The following PCDH19 variants were observed in gnomAD, a reference collection of about 807,000 sequenced individuals.
PCDH19 encodes protocadherin-19.
In PCDH19, 6 loss-of-function variants were observed where a neutral mutation model predicts 46.2. The observed-to-expected ratio is 0.13, with a 90% CI of 0.07 to 0.26. The LOEUF (loss-of-function observed/expected upper bound fraction) is 0.26, where lower values mean the gene tolerates loss of function less well. Ranked by LOEUF, PCDH19 falls within the 10% of genes least tolerant of loss-of-function variation. The pLI is 1.00. For missense variants in PCDH19, 740 were observed against 972.3 expected, an observed-to-expected ratio of 0.76 and a Z score of 3.18; for synonymous variants, 481 against 415.7, an observed-to-expected ratio of 1.16 and a Z score of -1.91.
chrX:100,355,341 C>G (rs746383812), intron 3 of PCDH19, among the ~76,000 whole-genome samples: 11 of 111,198 alleles, frequency 9.9e-5, no homozygotes, highest in Non-Finnish European at 1.9e-4. Flanking sequence ...AAATTATTAC[C>G]CCATGCAGAT....
chrX:100,320,359 C>T (rs1028386727), intron 5 of PCDH19, among the ~76,000 whole-genome samples: 1 of 112,219 alleles, frequency 8.9e-6, no homozygotes, highest in Non-Finnish European at 1.9e-5. Flanking sequence ...CTTGAGATCA[C>T]ACAGAGTTAG....
rs760286079 is a variant in PCDH19, at chrX:100,408,142, G to A, written c.456C>T (p.Ser152=). 2.5e-6 allele frequency: 3 copies of A among 1,211,770 alleles called. No homozygotes were observed. In the East Asian group the frequency reaches 8.9e-5, roughly 36 times the overall value. Reference sequence around the variant, plus strand: ...AGCTTCCTGAGTCTGGATCGTAAGCGCTGTCCAGCGGGATGCGCGTGCCAG... The same window carrying A: ...AGCTTCCTGAGTCTGGATCGTAAGCACTGTCCAGCGGGATGCGCGTGCCAG... ...ASPGTRIPLD[S]AYDPDSGSFG... The change falls in exon 1 of 6, where the codon AGC becomes AGT. Residue 152 remains serine (S), a synonymous_variant. Coordinates refer to ENST00000373034, the MANE Select transcript of PCDH19 (RefSeq NM_001184880.2).
intron 3 of PCDH19, among the ~76,000 whole-genome samples, chrX:100,392,126 A>G (rs1927880744): frequency 8.9e-6 from 1 of 112,337 alleles, no homozygotes; most frequent in Non-Finnish European, 1.9e-5. Flanking sequence ...TGTCATTCCA[A>G]CAACGCCCAG....
chrX:100,383,486 A>C (rs2147518438), intron 3 of PCDH19, among the ~76,000 whole-genome samples: 1 of 112,513 alleles, frequency 8.9e-6, no homozygotes, highest in East Asian at 2.8e-4. Context: ...GTAATGGAAT[A>C]AAGAGCCCAC....
At position 100,362,796 on chromosome X, in the gene PCDH19, C is replaced by CA. The variant is rs60237066; in HGVS notation, c.2617-12093dup. 4.6e-3 allele frequency among the ~76,000 whole-genome samples: 202 copies of CA among 43,462 alleles called. 3 individuals are homozygous for CA. Among genetic ancestry groups the CA allele is most frequent in the East Asian group, 0.014 (20 of 1,430 alleles). The allele number at this position is 43,462 out of a possible 115,157, so 37.7% of individuals were successfully genotyped here. On this transcript the variant is annotated intron_variant, in intron 3 of 5. Transcript: ENST00000373034. Reference sequence around the variant, plus strand: ...TGGGAGACAGAGCGAGACTCCGATTCAAAAAAAAAAAAAAAGTTACTCTGG... The same window carrying CA: ...TGGGAGACAGAGCGAGACTCCGATTCAAAAAAAAAAAAAAAAGTTACTCTGG...
At chrX:100,330,797 G>C (rs1325617564) in intron 5 of PCDH19, among the ~76,000 whole-genome samples, 2 of 111,820 alleles carry the variant, frequency 1.8e-5, no homozygotes, top group African/African-American at 6.5e-5. Flanking sequence ...CCATTAAAAT[G>C]AGTATTACTA....
chrX:100,364,119 G>T lies in PCDH19; in HGVS notation c.2617-13415C>A, dbSNP rs1000612535. Among the ~76,000 whole-genome samples, 184 of 110,883 alleles carry T rather than the reference G, an allele frequency of 1.7e-3. 1 individual carries two copies. The highest frequency in any genetic ancestry group is 1.8e-3 in the Non-Finnish European group (93 of 52,955). ...GGGAGTGAGGGAACCTCATGCCATG[G>T]TTGAGTAACACACATTAGCATGCAT... On this transcript the variant is annotated intron_variant, in intron 3 of 5. Transcript: ENST00000373034.
rs1010521561 is a variant in PCDH19 at position 100,296,637 on chromosome X, C to A, written c.3087G>T (p.Glu1029Asp). The change falls in exon 6 of 6, where the codon GAG (glutamate) becomes GAT (aspartate). Residue 1029 changes from glutamate (E) to aspartate (D), a missense_variant. Around this residue, in one of 5 missense-constraint regions of PCDH19, gnomAD observed 416 missense variants for 476.8 expected, o/e 0.87. Transcript: ENST00000373034. The part of the protein sequence containing the change: ...GKDVSDHPAE[E>D]RPTLKGKRTV... ...TCCTCTTGCCTTTCAGGGTAGGCCT[C>A]TCCTCAGCCGGGTGGTCGCTGACAT... The A allele has an allele frequency of 3.3e-6, 4 of 1,209,427 alleles. No homozygotes were observed. The African/African-American group carries it at 5.3e-5, about 16-fold the overall frequency.
intron 5 of PCDH19, among the ~76,000 whole-genome samples, chrX:100,329,381 T>G (rs1925803180): frequency 4.5e-5 from 5 of 111,607 alleles, no homozygotes; most frequent in African/African-American, 1.6e-4. Flanking sequence ...AACTCCAACT[T>G]AATAGAGTAC....
intron 5 of PCDH19, among the ~76,000 whole-genome samples, chrX:100,328,860 T>C (rs190330691): frequency 4.4e-5 from 5 of 112,735 alleles, no homozygotes; most frequent in Admixed American, 1.9e-4. Context: ...AAGTGAATTG[T>C]GTTTCTTTGA....
At chrX:100,325,270 T>A (rs5921548) in intron 5 of PCDH19, among the ~76,000 whole-genome samples, 35,851 of 109,693 alleles carry the variant, frequency 0.33, 5,338 homozygotes, top group East Asian at 0.65. Context: ...GGTTAGTGAC[T>A]TATCCAAGGC....
intron 3 of PCDH19, among the ~76,000 whole-genome samples, chrX:100,359,973 A>G (rs934872043): frequency 9.0e-6 from 1 of 110,693 alleles, no homozygotes; most frequent in Non-Finnish European, 1.9e-5. Context: ...GCTAAATTCT[A>G]TTATATCAGT....
At chrX:100,403,443 T>G in intron 2 of PCDH19, 81 bp downstream of exon 2, 31 of 981,572 alleles carry the variant, frequency 3.2e-5, no homozygotes, top group East Asian at 9.9e-5. Context: ...CCGGTTCCCT[T>G]TTACTCACCC....
intron 3 of PCDH19, among the ~76,000 whole-genome samples, chrX:100,351,362 AC>A (rs1381763838): frequency 1.8e-5 from 2 of 112,801 alleles, no homozygotes; most frequent in Admixed American, 1.9e-4. Context: ...TCATTAGAGC[AC>A]CCCTGTTTAA....
Position 100,407,929 on chromosome X carries a change from G to A in PCDH19, c.669C>T (p.Gly223=). 4 of 1,211,241 alleles carry A rather than the reference G, an allele frequency of 3.3e-6. No individual in the cohort carries two copies. Among genetic ancestry groups the A allele is most frequent in the Non-Finnish European group, 4.5e-6 (4 of 895,642 alleles). ...GGDPPRLGTV[G]LSIKVTDSND... ...TGGAGTCGGTCACCTTGATACTAAG[G>A]CCAACGGTGCCCAGGCGCGGCGGGT... is the stretch of plus-strand genomic sequence containing the variant. The change falls in exon 1 of 6, where the codon GGC becomes GGT. Residue 223 remains glycine (G), a synonymous_variant. Transcript: ENST00000373034.
chrX:100,299,769 G>A (rs1015857263), intron 5 of PCDH19, among the ~76,000 whole-genome samples: 14 of 112,023 alleles, frequency 1.2e-4, no homozygotes, highest in African/African-American at 4.5e-4. Flanking sequence ...CAAGCTCACT[G>A]AGCCTACCTC....
At chrX:100,371,375 C>T (rs942397434) in intron 3 of PCDH19, among the ~76,000 whole-genome samples, 6 of 111,044 alleles carry the variant, frequency 5.4e-5, no homozygotes, top group Admixed American at 1.9e-4. Context: ...TTTTTTTCAA[C>T]GTCTATCTCC....
intron 5 of PCDH19, among the ~76,000 whole-genome samples, chrX:100,323,866 G>A (rs188153552): frequency 8.9e-6 from 1 of 111,757 alleles, no homozygotes; most frequent in Non-Finnish European, 1.9e-5. Context: ...TTAGGCTGAG[G>A]TGAAAGCAGG....
At chrX:100,341,624 C>T (rs1248013194) in intron 5 of PCDH19, among the ~76,000 whole-genome samples, 1 of 111,718 alleles carries the variant, frequency 9.0e-6, no homozygotes, top group Non-Finnish European at 1.9e-5. Flanking sequence ...CTCCTATGAG[C>T]TCAGTGCAGT....
Sources: allele counts gnomAD v4.1 joint callset (sites outside exome capture counted in the v4.1 genomes callset), GRCh38; gene constraint gnomAD v4.1.1; regional missense constraint gnomAD v4.1.1; transcripts MANE v1.5; gene names NCBI Gene and HGNC (gene_info 2026-07-23, HGNC 2026-07-21).